The following SPOCK1 variants were observed in gnomAD, a reference collection of about 807,000 sequenced individuals.
SPOCK1 encodes testican-1.
Under a neutral mutation model 55.3 loss-of-function variants are expected in SPOCK1, and 23 were observed. The ratio of observed to expected loss-of-function variants is 0.42; its 90% confidence interval spans 0.30 to 0.59. The LOEUF (loss-of-function observed/expected upper bound fraction) is 0.59. Among genes scored for constraint, SPOCK1 ranks in the 20% least tolerant of loss-of-function variants. SPOCK1 has a pLI of 0.22. For missense variants in SPOCK1, 499 were observed against 552.5 expected (o/e 0.90, Z 0.97); for synonymous variants, 226 against 221.0 (o/e 1.02, Z -0.20).
chr5:137,439,303 A>ACTTCC (rs1282964241), intron 2 of SPOCK1, among the ~76,000 whole-genome samples: 9 of 152,120 alleles, frequency 5.9e-5, no homozygotes, highest in Non-Finnish European at 1.2e-4. Flanking sequence ...CAGACAAGCC[A>ACTTCC]CTTCCCTTCT....
chr5:137,358,915 C>T (rs1406692008), intron 2 of SPOCK1, among the ~76,000 whole-genome samples: 1 of 151,618 alleles, frequency 6.6e-6, no homozygotes, highest in African/African-American at 2.4e-5. Context: ...TTAATAGGCA[C>T]TTTTGGATGG....
intron 2 of SPOCK1, among the ~76,000 whole-genome samples, chr5:137,419,615 T>C (rs1455482454): frequency 2.6e-5 from 4 of 152,160 alleles, no homozygotes; most frequent in Non-Finnish European, 4.4e-5. Flanking sequence ...CTGTTATTGG[T>C]GTATAAGAAT....
At chr5:137,215,450 GCACCAAAATGTCTCGT>G (rs1262747609) in intron 3 of SPOCK1, among the ~76,000 whole-genome samples, 1 of 152,126 alleles carries the variant, frequency 6.6e-6, no homozygotes. Flanking sequence ...AAAAGCCACA[GCACCAAAATGTCTCGT>G]CTTCAATGAG....
chr5:137,159,326 A>T (rs565809285), intron 3 of SPOCK1, among the ~76,000 whole-genome samples: 1 of 152,326 alleles, frequency 6.6e-6, no homozygotes, highest in South Asian at 2.1e-4. Context: ...AGAGTTGACA[A>T]TGTCAAGTAT....
chr5:137,309,123 G>A (rs975360681), intron 2 of SPOCK1, among the ~76,000 whole-genome samples: 2 of 152,118 alleles, frequency 1.3e-5, no homozygotes, highest in Middle Eastern at 3.2e-3. Context: ...TGCATTTTGG[G>A]GAAAAAGTCA....
chr5:137,227,798 C>G (rs1171617320), intron 3 of SPOCK1, among the ~76,000 whole-genome samples: 1 of 152,178 alleles, frequency 6.6e-6, no homozygotes, highest in Admixed American at 6.5e-5. Flanking sequence ...ATACAGACCA[C>G]CAATGCAGAT....
Position 137,140,659 on chromosome 5 carries a change from T to G in SPOCK1, c.268A>C (p.Lys90Gln), listed in dbSNP as rs758304530. 4.3e-6 allele frequency: 7 copies of G among 1,613,862 alleles called. No homozygotes were observed. The East Asian group carries it at 1.6e-4, about 36-fold the overall frequency. The change falls in exon 4 of 11, where the codon AAA becomes CAA. Residue 90 changes from lysine (K) to glutamine (Q), a missense_variant. Lys to Gln is a moderately conservative substitution (Grantham distance 53). Transcript: ENST00000394945. ...ACACACACTTTGTGAGGGCTGCATT[T>G]TACCTTCAGGCAGGGGTCCTTGGAT... ...DPSKDPCLKV[K>Q]CSPHKVCVTQ...
intron 3 of SPOCK1, among the ~76,000 whole-genome samples, chr5:137,257,431 C>A (rs926454233): frequency 6.6e-6 from 1 of 152,092 alleles, no homozygotes; most frequent in African/African-American, 2.4e-5. Flanking sequence ...TCAGAGAGTT[C>A]TCGAGCTCTC....
chr5:137,445,427 T>C (rs544858691), intron 2 of SPOCK1, among the ~76,000 whole-genome samples: 1 of 152,092 alleles, frequency 6.6e-6, no homozygotes, highest in African/African-American at 2.4e-5. Context: ...AGAAAAAAAA[T>C]TTTAAAACTC....
chr5:137,271,508 C>T (rs2127119331), intron 2 of SPOCK1, among the ~76,000 whole-genome samples: 1 of 152,050 alleles, frequency 6.6e-6, no homozygotes, highest in African/African-American at 2.4e-5. Flanking sequence ...GTCTGCTTAA[C>T]ATGAAATGAC....
chr5:137,429,412 G>A (rs1448168985), intron 2 of SPOCK1, among the ~76,000 whole-genome samples: 1 of 151,938 alleles, frequency 6.6e-6, no homozygotes, highest in African/African-American at 2.4e-5. Context: ...TTCCTTTACA[G>A]CACTTACCAC....
intron 3 of SPOCK1, among the ~76,000 whole-genome samples, chr5:137,144,803 G>A (rs918172631): frequency 5.3e-5 from 8 of 152,168 alleles, no homozygotes; most frequent in African/African-American, 1.9e-4. Context: ...GAAACTGTAG[G>A]TGAGAAGGTA....
intron 6 of SPOCK1, among the ~76,000 whole-genome samples, chr5:136,999,694 G>A (rs1751112311): frequency 6.6e-6 from 1 of 152,130 alleles, no homozygotes; most frequent in Non-Finnish European, 1.5e-5. Context: ...AAAATGGAAA[G>A]GGAGACAGAG....
At chr5:137,453,715 C>T (rs1753306119) in intron 2 of SPOCK1, among the ~76,000 whole-genome samples, 2 of 152,120 alleles carry the variant, frequency 1.3e-5, no homozygotes, top group African/African-American at 2.4e-5. Context: ...ATACATATTA[C>T]CACTGCCCCA....
At chr5:137,110,048 C>T (rs1374765026) in intron 5 of SPOCK1, among the ~76,000 whole-genome samples, 4 of 152,184 alleles carry the variant, frequency 2.6e-5, no homozygotes, top group Non-Finnish European at 5.9e-5. Context: ...TCAATAAGAG[C>T]TGCTGAACAA....
chr5:137,334,631 G>A (rs1389403259), intron 2 of SPOCK1, among the ~76,000 whole-genome samples: 2 of 152,186 alleles, frequency 1.3e-5, no homozygotes, highest in Non-Finnish European at 2.9e-5. Context: ...CTGTAACACA[G>A]TCTTCGGTTC....
intron 6 of SPOCK1, among the ~76,000 whole-genome samples, chr5:137,028,733 C>T (rs996234266): frequency 2.0e-5 from 3 of 151,978 alleles, no homozygotes; most frequent in Admixed American, 6.6e-5. Flanking sequence ...AATCTCTCCC[C>T]GAGACTCGAC....
At chr5:137,043,508 T>G (rs1752040175) in intron 6 of SPOCK1, among the ~76,000 whole-genome samples, 1 of 152,130 alleles carries the variant, frequency 6.6e-6, no homozygotes, top group South Asian at 2.1e-4. Context: ...ACCTTTGCAG[T>G]AGAGAAGCCT....
chr5:137,253,093 G>C (rs1013472259), intron 3 of SPOCK1, among the ~76,000 whole-genome samples: 1 of 152,206 alleles, frequency 6.6e-6, no homozygotes, highest in African/African-American at 2.4e-5. Flanking sequence ...GCCTCACAGT[G>C]AGAAGTCACA....
Sources: allele counts gnomAD v4.1 joint callset (sites outside exome capture counted in the v4.1 genomes callset), GRCh38; gene constraint gnomAD v4.1.1; transcripts MANE v1.5; gene names NCBI Gene and HGNC (gene_info 2026-07-23, HGNC 2026-07-21).